The following NAV3 variants were observed in gnomAD, a reference collection of about 807,000 sequenced individuals.
The protein encoded by NAV3 is neuron navigator 3, also known as pore membrane and/or filament interacting like protein 1.
NAV3 carries 87 observed loss-of-function variants against 244.7 expected under a neutral mutation model. The ratio of observed to expected loss-of-function variants is 0.36; its 90% CI spans 0.30 to 0.42. The LOEUF (loss-of-function observed/expected upper bound fraction) is 0.42, where lower values mean the gene tolerates loss of function less well. Among genes scored for constraint, NAV3 ranks in the 20% least tolerant of loss-of-function variants. The pLI, the probability that NAV3 is intolerant of heterozygous loss-of-function variation, is 1.00. For synonymous variants in NAV3, 1,126 were observed against 1,042.2 expected (o/e 1.08, Z -1.55); for missense variants, 2,663 against 2,893.3 (o/e 0.92, Z 1.83).
At chr12:78,112,974 G>C (rs372375179) in intron 12 of NAV3, among the ~76,000 whole-genome samples, 4 of 152,196 alleles carry the variant, frequency 2.6e-5, no homozygotes, top group Non-Finnish European at 5.9e-5. Flanking sequence ...CCAAACGGGA[G>C]GAATTGACCA....
intron 2 of NAV3, among the ~76,000 whole-genome samples, chr12:77,584,535 G>A (rs1869513305): frequency 6.6e-6 from 1 of 151,956 alleles, no homozygotes; most frequent in Non-Finnish European, 1.5e-5. Context: ...TTCTTCCTAT[G>A]AGGGAAGGGC....
chr12:77,960,450 T>TATATATACACACACAC (rs1195862670), intron 3 of NAV3, among the ~76,000 whole-genome samples: 18 of 144,400 alleles, frequency 1.2e-4, no homozygotes, highest in African/African-American at 3.8e-4. Context: ...TATATATATA[T>TATATATACACACACAC]ACACACACAC....
chr12:77,793,364 T>C (rs1851082), intron 2 of NAV3, among the ~76,000 whole-genome samples: 86,207 of 151,900 alleles, frequency 0.57, 24,573 homozygotes, highest in South Asian at 0.7. Flanking sequence ...GTTTGTTACA[T>C]AGGTAACAAA....
At chr12:77,645,770 T>C (rs1039481312) in intron 2 of NAV3, among the ~76,000 whole-genome samples, 2 of 152,088 alleles carry the variant, frequency 1.3e-5, no homozygotes, top group Non-Finnish European at 2.9e-5. Flanking sequence ...GGAAGCTCCA[T>C]AGGTGTTATA....
chr12:77,629,583 C>T (rs1318452559), intron 2 of NAV3, among the ~76,000 whole-genome samples: 1 of 152,130 alleles, frequency 6.6e-6, no homozygotes, highest in Non-Finnish European at 1.5e-5. Flanking sequence ...ATTGCAATAA[C>T]TTTTCACTCT....
At chr12:77,928,236 A>AAC (rs1888415877) in intron 1 of NAV3, among the ~76,000 whole-genome samples, 1 of 151,040 alleles carries the variant, frequency 6.6e-6, no homozygotes, top group African/African-American at 2.4e-5. Context: ...AAAAAAAAAA[A>AAC]AAAAAAAGAG....
chr12:77,790,790 T>C (rs1647066861), intron 2 of NAV3, among the ~76,000 whole-genome samples: 1 of 152,138 alleles, frequency 6.6e-6, no homozygotes, highest in African/African-American at 2.4e-5. Context: ...GTCTAGGTAA[T>C]ATAAGAACAT....
rs1386446480 is a variant in NAV3, at chr12:78,088,951, A to T, written c.2637-27821A>T. Reference sequence around the variant, plus strand: ...TTTGGATTAGTAATTTTAGCTTTGGACCTTTCACTAGGAACTACACAGTTT... The same window carrying T: ...TTTGGATTAGTAATTTTAGCTTTGGTCCTTTCACTAGGAACTACACAGTTT... On this transcript the variant is annotated intron_variant, in intron 12 of 39. Transcript: ENST00000397909. 6 of 152,130 alleles carry T rather than the reference A, an allele frequency of 3.9e-5. No homozygotes were observed. The South Asian group carries it at 8.3e-4, about 21-fold the overall frequency. 9.4% of individuals were successfully genotyped at this position (152,130 alleles called of 1,614,324 possible).
At chr12:78,050,717 G>T (rs1882616949) in intron 10 of NAV3, 47 bp from the exon 11 acceptor site, 1 of 1,538,050 alleles carries the variant, frequency 6.5e-7, no homozygotes, top group South Asian at 1.3e-5. Context: ...CTAGATTATG[G>T]CCCTAAGTGA....
chr12:77,655,518 T>G (rs1873054924), intron 2 of NAV3, among the ~76,000 whole-genome samples: 2 of 152,162 alleles, frequency 1.3e-5, no homozygotes, highest in African/African-American at 2.4e-5. Context: ...TGGAACCAAG[T>G]TGGAAAACAA....
In NAV3 at chr12:78,116,844, C is replaced by T. The variant is rs1330986619; in HGVS notation, c.2709C>T (p.Asn903=). 6.2e-7 allele frequency: 1 copy of T among 1,613,620 alleles called. No individual in the cohort carries two copies. Residue 903 remains asparagine, a synonymous_variant, in exon 13 of 40, where the codon AAC becomes AAT. Coordinates refer to ENST00000397909, the MANE Select transcript of NAV3 (RefSeq NM_001024383.2). The stretch of plus-strand genomic sequence containing the variant: ...ATAACATCAGCACTGATGACCTGAA[C>T]ACCACATCCTCTGTCAGCTCTTACT... ...TLDNISTDDL[N]TTSSVSSYSN...
rs201245713 is a variant in NAV3, at chr12:78,176,473, G to A, written c.5124+14G>A. The A allele has an allele frequency of 8.4e-5, 136 of 1,612,114 alleles. No homozygotes were observed. Among genetic ancestry groups the A allele is most frequent in the Middle Eastern group, 1.7e-4 (1 of 6,042 alleles). ...AGAGGAAGTGAGGTGAATATAAACC[G>A]TGGACAATTTGGCATGCATCTATAA... On this transcript the variant is annotated intron_variant, in intron 26 of 39. Coordinates refer to ENST00000397909, the MANE Select transcript of NAV3 (RefSeq NM_001024383.2).
intron 2 of NAV3, among the ~76,000 whole-genome samples, chr12:77,646,163 C>T (rs1872598209): frequency 6.6e-6 from 1 of 152,108 alleles, no homozygotes; most frequent in Admixed American, 6.6e-5. Flanking sequence ...GCAAATGCCT[C>T]TTAATTTCAG....
chr12:78,174,265 C>A (rs1457602981), intron 24 of NAV3, among the ~76,000 whole-genome samples: 1 of 151,676 alleles, frequency 6.6e-6, no homozygotes, highest in African/African-American at 2.4e-5. Flanking sequence ...AACTATAAAT[C>A]TTATAGTTGC....
intron 1 of NAV3, among the ~76,000 whole-genome samples, chr12:77,876,423 G>A (rs1881856891): frequency 6.6e-6 from 1 of 152,084 alleles, no homozygotes; most frequent in Admixed American, 6.6e-5. Context: ...AATAGATGAA[G>A]AGGCTGTTTC....
intron 1 of NAV3, among the ~76,000 whole-genome samples, chr12:77,867,049 AAGTAACT>A (rs1880153310): frequency 6.6e-6 from 1 of 152,312 alleles, no homozygotes; most frequent in East Asian, 1.9e-4. Flanking sequence ...TAAAACACTC[AAGTAACT>A]AGTCTGAGTT....
intron 2 of NAV3, among the ~76,000 whole-genome samples, chr12:77,661,142 C>A (rs949205896): frequency 2.0e-5 from 3 of 152,084 alleles, no homozygotes; most frequent in Admixed American, 1.3e-4. Context: ...TTGTATTTAA[C>A]TTTTTGAATA....
chr12:77,917,799 C>T (rs953574379), intron 1 of NAV3, among the ~76,000 whole-genome samples: 3 of 151,930 alleles, frequency 2.0e-5, no homozygotes, highest in African/African-American at 7.2e-5. Context: ...TGAAGACAAA[C>T]GTTTCAGCCC....
At position 77,806,698 on chromosome 12, in the gene NAV3, T is replaced by G. The variant is rs112155321; in HGVS notation, c.73-133621T>G. Among the ~76,000 whole-genome samples, 357 of 152,330 alleles carry G rather than the reference T, an allele frequency of 2.3e-3. 4 individuals carry two copies. The highest frequency in any genetic ancestry group is 8.3e-3 in the African/African-American group (344 of 41,574). ...CTATTAGGTCTTCTTGGTCCAGAGCTGAGTTCAAGTCCTGAATATCCTTGT... is the reference window on the plus strand; with the variant it reads ...CTATTAGGTCTTCTTGGTCCAGAGCGGAGTTCAAGTCCTGAATATCCTTGT... On this transcript the variant is annotated intron_variant, in intron 2 of 8. Coordinates refer to the NAV3 transcript ENST00000550042.
Sources: allele counts gnomAD v4.1 joint callset (sites outside exome capture counted in the v4.1 genomes callset), GRCh38; gene constraint gnomAD v4.1.1; transcripts MANE v1.5; gene names NCBI Gene and HGNC (gene_info 2026-07-23, HGNC 2026-07-21).